The following NRG1 variants were observed in gnomAD, a reference collection of about 807,000 sequenced individuals.
NRG1 encodes the protein pro-neuregulin-1, membrane-bound isoform.
A neutral mutation model predicts 63.8 loss-of-function variants in NRG1; 18 were observed. The observed-to-expected ratio is 0.28, with a 90% CI of 0.19 to 0.42. The LOEUF (loss-of-function observed/expected upper bound fraction) is 0.42. Among genes scored for constraint, NRG1 ranks in the 10% least tolerant of loss-of-function variants. The pLI, the probability that NRG1 is intolerant of heterozygous loss-of-function variation, is 1.00. For synonymous variants in NRG1, 302 were observed against 301.3 expected (o/e 1.00, Z -0.02); for missense variants, 762 against 814.7 (o/e 0.94, Z 0.79).
intron 1 of NRG1, among the ~76,000 whole-genome samples, chr8:31,681,230 T>A (rs1808311025): frequency 6.6e-6 from 1 of 152,162 alleles, no homozygotes; most frequent in South Asian, 2.1e-4. Flanking sequence ...CTTTATGACC[T>A]CAGATAATGA....
chr8:32,540,872 A>G (rs944734194), intron 1 of NRG1, among the ~76,000 whole-genome samples: 10 of 151,380 alleles, frequency 6.6e-5, no homozygotes, highest in African/African-American at 1.9e-4. Context: ...AACATTTTCC[A>G]TAAGAATGTA....
At chr8:32,521,641 T>C (rs1364759767) in intron 1 of NRG1, among the ~76,000 whole-genome samples, 2 of 152,190 alleles carry the variant, frequency 1.3e-5, no homozygotes, top group African/African-American at 4.8e-5. Context: ...TATAAGTTAA[T>C]GACCTCAAGC....
intron 7 of NRG1, among the ~76,000 whole-genome samples, chr8:32,747,372 A>T (rs1352743903): frequency 6.6e-6 from 1 of 152,150 alleles, no homozygotes; most frequent in Non-Finnish European, 1.5e-5. Flanking sequence ...ACCTTCATGG[A>T]AATGAGTAAG....
intron 1 of NRG1, among the ~76,000 whole-genome samples, chr8:32,573,824 C>G (rs897384796): frequency 2.6e-5 from 4 of 152,008 alleles, no homozygotes; most frequent in African/African-American, 9.7e-5. Context: ...CACAACAGTC[C>G]CCGGTATGTG....
rs1744595479 is a variant in NRG1 at position 31,670,977 on chromosome 8, G to T, written c.37+31546G>T. ...TCTCTCGCCCTCAATCCACAAATAG[G>T]TCCCAGTGTCTATTGTTCCCATCTT... On this transcript the variant is annotated intron_variant, in intron 1 of 10. Transcript: ENST00000519301. 1.3e-5 allele frequency among the ~76,000 whole-genome samples: 2 copies of T among 151,988 alleles called. 1 individual carries two copies. The highest frequency in any genetic ancestry group is 4.2e-4 in the South Asian group (2 of 4,816).
chr8:31,839,709 G>A (rs894719510), intron 1 of NRG1, among the ~76,000 whole-genome samples: 5 of 152,138 alleles, frequency 3.3e-5, no homozygotes, highest in Non-Finnish European at 5.9e-5. Context: ...AACAGGAAAC[G>A]TCTTTGAAGC....
At chr8:31,673,334 C>T (rs935501046) in intron 1 of NRG1, among the ~76,000 whole-genome samples, 1 of 152,146 alleles carries the variant, frequency 6.6e-6, no homozygotes, top group African/African-American at 2.4e-5. Flanking sequence ...TTGCTGGCCA[C>T]GTGGTCCTTG....
intron 1 of NRG1, among the ~76,000 whole-genome samples, chr8:32,471,771 C>G (rs1823884328): frequency 6.6e-6 from 1 of 152,158 alleles, no homozygotes; most frequent in Non-Finnish European, 1.5e-5. Flanking sequence ...ACCTTCTCAG[C>G]TCTACTGACC....
chr8:32,258,866 A>G (rs900162858), intron 1 of NRG1, among the ~76,000 whole-genome samples: 4 of 152,262 alleles, frequency 2.6e-5, no homozygotes, highest in Non-Finnish European at 4.4e-5. Flanking sequence ...AAAATCAAAC[A>G]TGGACCATCT....
At chr8:31,781,330 AT>A (rs145500869) in intron 1 of NRG1, among the ~76,000 whole-genome samples, 3,322 of 152,212 alleles carry the variant, frequency 0.022, 61 homozygotes, top group East Asian at 0.047. Flanking sequence ...GTACAAATTG[AT>A]TGCTGTGATT....
intron 1 of NRG1, among the ~76,000 whole-genome samples, chr8:32,215,119 A>G (rs1327033438): frequency 1.3e-5 from 2 of 152,214 alleles, no homozygotes; most frequent in African/African-American, 4.8e-5. Context: ...TAATATATAT[A>G]CATATATTTT....
chr8:32,358,783 A>G (rs1806816298), intron 1 of NRG1, among the ~76,000 whole-genome samples: 1 of 152,200 alleles, frequency 6.6e-6, no homozygotes, highest in African/African-American at 2.4e-5. Context: ...ACCCAGGAAG[A>G]GTATTTAAAG....
chr8:32,134,355 A>G (rs905481927), intron 1 of NRG1, among the ~76,000 whole-genome samples: 1 of 152,136 alleles, frequency 6.6e-6, no homozygotes, highest in Non-Finnish European at 1.5e-5. Context: ...GACAAAAAAT[A>G]TAATTTGAAG....
intron 1 of NRG1, among the ~76,000 whole-genome samples, chr8:32,509,225 T>C (rs914389379): frequency 2.0e-5 from 3 of 151,958 alleles, no homozygotes; most frequent in Non-Finnish European, 4.4e-5. Flanking sequence ...CCTAGGTAGC[T>C]GGGACTACAG....
At chr8:31,959,895 G>A (rs1015709745) in intron 1 of NRG1, among the ~76,000 whole-genome samples, 2 of 151,144 alleles carry the variant, frequency 1.3e-5, no homozygotes, top group Admixed American at 1.3e-4. Flanking sequence ...CTGGCCCCAA[G>A]TGATCCCTCC....
At chr8:31,830,225 C>T (rs1824975149) in intron 1 of NRG1, among the ~76,000 whole-genome samples, 1 of 151,990 alleles carries the variant, frequency 6.6e-6, no homozygotes, top group Admixed American at 6.6e-5. Flanking sequence ...TGTTACTAGA[C>T]AGAGAAGAAA....
intron 1 of NRG1, among the ~76,000 whole-genome samples, chr8:31,995,597 A>G (rs1477666936): frequency 2.0e-5 from 3 of 151,804 alleles, no homozygotes; most frequent in Non-Finnish European, 4.4e-5. Context: ...GAAAGTGAGG[A>G]CCCTGGGTTA....
intron 1 of NRG1, among the ~76,000 whole-genome samples, chr8:32,408,577 A>G (rs943618820): frequency 5.5e-5 from 8 of 146,252 alleles, no homozygotes; most frequent in Non-Finnish European, 1.1e-4. Flanking sequence ...CAGAGGGGGA[A>G]ATCTCCAAAA....
At chr8:32,705,045 CT>C (rs1815991306) in intron 5 of NRG1, among the ~76,000 whole-genome samples, 1 of 151,702 alleles carries the variant, frequency 6.6e-6, no homozygotes, top group Non-Finnish European at 1.5e-5. Context: ...TAAAAATGCT[CT>C]TTGGTAGCCA....
Sources: allele counts gnomAD v4.1 joint callset (sites outside exome capture counted in the v4.1 genomes callset), GRCh38; gene constraint gnomAD v4.1.1; transcripts MANE v1.5; gene names NCBI Gene and HGNC (gene_info 2026-07-23, HGNC 2026-07-21).